The following CFAP44 variants were observed in gnomAD, a reference collection of about 807,000 sequenced individuals.
The protein encoded by CFAP44 is cilia and flagella associated protein 44.
CFAP44 carries 134 observed loss-of-function variants against 216.2 expected under a neutral mutation model. That is an observed-to-expected ratio of 0.62 (90% confidence interval 0.54 to 0.72). The LOEUF is 0.72. Ranked by LOEUF, CFAP44 falls within the 30% of genes least tolerant of loss-of-function variation. CFAP44 has a pLI of 0.00. For synonymous variants in CFAP44, 700 were observed against 727.6 expected (o/e 0.96, Z 0.61); for missense variants, 2,035 against 2,182.1 (o/e 0.93, Z 1.34).
chr3:113,432,982 C>T (rs1197865645), intron 2 of CFAP44, among the ~76,000 whole-genome samples: 1 of 152,160 alleles, frequency 6.6e-6, no homozygotes, highest in Admixed American at 6.5e-5. Context: ...TTGTTCTCTG[C>T]ATGGCTGCCC....
intron 28 of CFAP44, among the ~76,000 whole-genome samples, chr3:113,318,257 C>G (rs905463500): frequency 6.6e-6 from 1 of 152,080 alleles, no homozygotes; most frequent in Non-Finnish European, 1.5e-5. Context: ...AAACCGAACT[C>G]CTAGAGCTAA....
intron 3 of CFAP44, 61 bp from the exon 4 acceptor site, chr3:113,426,338 T>C (rs372641604): frequency 1.4e-5 from 21 of 1,555,484 alleles, no homozygotes; most frequent in Middle Eastern, 3.7e-4. Context: ...CACCCAAATC[T>C]CAACTTGAAT....
chr3:113,432,074 T>C (rs534713002), intron 2 of CFAP44: 2 of 152,308 alleles, frequency 1.3e-5, no homozygotes, highest in African/African-American at 4.8e-5. Flanking sequence ...AGATCAAGCA[T>C]CTCTAAATGG....
rs191503680 is a variant in CFAP44 at position 113,382,339 on chromosome 3, C to T, written c.1891-1279G>A. ...GCTAAGAGGTCAAGAAAGATAAGAACTAAATGTTAAATGGATATTATTGGT... is the reference window on the plus strand; with the variant it reads ...GCTAAGAGGTCAAGAAAGATAAGAATTAAATGTTAAATGGATATTATTGGT... On this transcript the variant is annotated intron_variant, in intron 15 of 34. Transcript: ENST00000393845. 3.3e-5 allele frequency among the ~76,000 whole-genome samples: 5 copies of T among 152,156 alleles called. No homozygotes were observed. In the East Asian group the frequency reaches 9.7e-4, roughly 29 times the overall value.
chr3:113,397,921 TATC>T (rs1474534797), intron 13 of CFAP44, among the ~76,000 whole-genome samples: 9 of 152,064 alleles, frequency 5.9e-5, no homozygotes, highest in Non-Finnish European at 8.8e-5. Context: ...AAAATAAAGA[TATC>T]ATAGTCTGCA....
At chr3:113,404,203 G>C (rs781471527) in intron 8 of CFAP44, 187 bp from the exon 9 acceptor site, 135 of 644,774 alleles carry the variant, frequency 2.1e-4, no homozygotes, top group Non-Finnish European at 4.2e-5. Flanking sequence ...ATAACATTTT[G>C]ATGTATTTCC....
chr3:113,298,169 A>G (rs796385666), intron 32 of CFAP44, among the ~76,000 whole-genome samples: 8 of 152,338 alleles, frequency 5.3e-5, no homozygotes, highest in African/African-American at 1.9e-4. Flanking sequence ...GCAGCCTCAT[A>G]TACCAGAACA....
intron 11 of CFAP44, 124 bp downstream of exon 11, chr3:113,401,116 G>A: frequency 1.2e-6 from 1 of 817,704 alleles, no homozygotes; most frequent in Non-Finnish European, 1.9e-6. Flanking sequence ...AGTAGCACAT[G>A]TTAGGCAAGT....
Position 113,290,540 on chromosome 3 carries a change from T to G in CFAP44, c.*1017A>C, listed in dbSNP as rs760929513. On this transcript the variant is annotated 3_prime_UTR_variant, in exon 35 of 35. Transcript: ENST00000393845. ...GCTCGTTAATACAGAGCTCTTAATC[T>G]AAAGAGCTATGCTCTGTTACTAACA... 3.3e-5 allele frequency: 5 copies of G among 152,234 alleles called. No homozygotes were observed. The highest frequency in any genetic ancestry group is 5.9e-5 in the Non-Finnish European group (4 of 68,056). The allele number at this position is 152,234 out of a possible 1,614,324, so 9.4% of individuals were successfully genotyped here.
At chr3:113,408,116 C>G (rs1934339054) in intron 7 of CFAP44, among the ~76,000 whole-genome samples, 1 of 151,948 alleles carries the variant, frequency 6.6e-6, no homozygotes, top group East Asian at 1.9e-4. Context: ...ACAAAAAGAC[C>G]AGATTTAAAT....
In CFAP44 at chr3:113,303,900, G is replaced by A; in HGVS notation, c.5077+16C>T. 6.5e-7 allele frequency: 1 copy of A among 1,536,896 alleles called. No individual in the cohort carries two copies. Among genetic ancestry groups the A allele is most frequent in the South Asian group, 1.2e-5 (1 of 83,980 alleles). On this transcript the variant is annotated intron_variant, in intron 32 of 34. Coordinates refer to ENST00000393845, the MANE Select transcript of CFAP44 (RefSeq NM_001164496.2). Reference sequence around the variant, plus strand: ...CAATAAACCTTACTAGCAAGGCTGTGGGCTTAGATACTCACTGTGTATGGT... The same window carrying A: ...CAATAAACCTTACTAGCAAGGCTGTAGGCTTAGATACTCACTGTGTATGGT...
intron 26 of CFAP44, 49 bp downstream of exon 26, chr3:113,330,119 C>G: frequency 6.8e-5 from 97 of 1,419,512 alleles, no homozygotes; most frequent in Non-Finnish European, 8.0e-5. Flanking sequence ...CAATTTTTTC[C>G]CTTCTCTTCT....
chr3:113,296,047 C>A (rs1949876679), intron 33 of CFAP44, among the ~76,000 whole-genome samples: 1 of 152,118 alleles, frequency 6.6e-6, no homozygotes, highest in African/African-American at 2.4e-5. Context: ...CAACCCTCAC[C>A]CCCACCATCC....
rs1933446494 is a variant in CFAP44 at position 113,379,460 on chromosome 3, C to T, written c.2144G>A (p.Gly715Glu). The stretch of plus-strand genomic sequence containing the variant: ...CTGAAATTCTTTTTCTCCATCTTCT[C>T]CCATCTCTGCTGCTAGCTTGTTCCT... ...ERRNKLAAEM[G>E]EDGEKEFQEE... Residue 715 changes from glycine (G) to glutamate (E), a missense_variant, in exon 17 of 35, where the codon GGA becomes GAA. Physicochemically the swap from Gly to Glu is moderately conservative, Grantham distance 98 (BLOSUM62 -2). Coordinates refer to ENST00000393845, the MANE Select transcript of CFAP44 (RefSeq NM_001164496.2). The T allele has an allele frequency of 6.2e-7, 1 of 1,611,064 alleles. No homozygotes were observed. Among genetic ancestry groups the T allele is most frequent in the South Asian group, 1.1e-5 (1 of 90,958 alleles).
intron 4 of CFAP44, chr3:113,425,874 G>A (rs1184283295): frequency 5.2e-6 from 2 of 386,292 alleles, no homozygotes; most frequent in Admixed American, 4.0e-5. Flanking sequence ...TTTATAAAGG[G>A]AAGGTAGTAA....
At chr3:113,330,815 T>C (rs1576551532) in intron 25 of CFAP44, 147 bp from the exon 26 acceptor site, 2 of 1,185,276 alleles carry the variant, frequency 1.7e-6, no homozygotes, top group South Asian at 1.9e-5. Context: ...CCACCAAGTT[T>C]CCCTTTTCTT....
At chr3:113,440,167 G>A (rs1935327999) in intron 1 of CFAP44, among the ~76,000 whole-genome samples, 2 of 152,260 alleles carry the variant, frequency 1.3e-5, no homozygotes, top group African/African-American at 2.4e-5. Flanking sequence ...TGGTTCAAGC[G>A]ATTCTCGTGC....
rs1234086247 is a variant in CFAP44 at position 113,289,952 on chromosome 3, T to G, written c.*1605A>C. ...AGATGGCTGCAGCCCCAGCTCCTAGTGTGACTGCAACTCCACGAAAGACCC... is the reference window on the plus strand; with the variant it reads ...AGATGGCTGCAGCCCCAGCTCCTAGGGTGACTGCAACTCCACGAAAGACCC... On this transcript the variant is annotated 3_prime_UTR_variant, in exon 35 of 35. Transcript: ENST00000393845. The G allele has an allele frequency of 6.6e-6, 1 of 152,288 alleles. No homozygotes were observed. Among genetic ancestry groups the G allele is most frequent in the African/African-American group, 2.4e-5 (1 of 41,446 alleles). 9.4% of individuals were successfully genotyped at this position (152,288 alleles called of 1,614,324 possible).
chr3:113,405,938 T>G (rs1288636125), intron 8 of CFAP44, among the ~76,000 whole-genome samples: 1 of 152,204 alleles, frequency 6.6e-6, no homozygotes, highest in Non-Finnish European at 1.5e-5. Context: ...GCTTTTGAAT[T>G]GAGAATATTC....
Sources: allele counts gnomAD v4.1 joint callset (sites outside exome capture counted in the v4.1 genomes callset), GRCh38; gene constraint gnomAD v4.1.1; transcripts MANE v1.5; gene names NCBI Gene and HGNC (gene_info 2026-07-23, HGNC 2026-07-21).